Variants in GFRAL observed in about 807,000 individuals in gnomAD.
GFRAL encodes GDNF family receptor alpha like.
Under a neutral mutation model 45.4 loss-of-function variants are expected in GFRAL, and 36 were observed. The ratio of observed to expected loss-of-function variants is 0.79; its 90% CI spans 0.61 to 1.05. The LOEUF (loss-of-function observed/expected upper bound fraction) is 1.05, where lower values mean the gene tolerates loss of function less well. GFRAL is among the 50% of genes least tolerant of loss of function. The probability of loss-of-function intolerance (pLI) is 0.00; values close to 1 mark genes in which losing one functional copy is unlikely to be tolerated. For synonymous variants in GFRAL, 166 were observed against 154.1 expected (o/e 1.08, Z -0.57); for missense variants, 507 against 467.5 (o/e 1.08, Z -0.78).
At position 55,327,488 on chromosome 6, in the gene GFRAL, T is replaced by A. The variant is rs1364477935; in HGVS notation, c.-67T>A. On this transcript the variant is annotated 5_prime_UTR_variant, in exon 1 of 9. Transcript: ENST00000340465. Reference sequence around the variant, plus strand: ...GAAGCCTTATTCTGGACAGTTACTCTTAAGAAAGTTGTCAGAAGAAACGCA... The same window carrying A: ...GAAGCCTTATTCTGGACAGTTACTCATAAGAAAGTTGTCAGAAGAAACGCA... 6.4e-7 allele frequency: 1 copy of A among 1,571,942 alleles called. No individual in the cohort carries two copies. Among genetic ancestry groups the A allele is most frequent in the Non-Finnish European group, 8.7e-7 (1 of 1,143,868 alleles).
intron 3 of GFRAL, among the ~76,000 whole-genome samples, chr6:55,336,238 C>G (rs936406008): frequency 6.6e-6 from 1 of 152,296 alleles, no homozygotes; most frequent in East Asian, 1.9e-4. Context: ...GCCACCGGGC[C>G]GGGCCACTTC....
chr6:55,366,899 G>GA lies in GFRAL; in HGVS notation c.952+7768dup, dbSNP rs1200699613. 3.3e-5 allele frequency among the ~76,000 whole-genome samples: 3 copies of GA among 90,416 alleles called. No homozygotes were observed. The Admixed American group carries it at 3.5e-4, about 11-fold the overall frequency. 59.3% of individuals were successfully genotyped at this position (90,416 alleles called of 152,430 possible). On this transcript the variant is annotated intron_variant, in intron 6 of 8. Transcript: ENST00000340465. ...TTTGGAATAGGTGTGGTGTGGTGCT[G>GA]AAAAAAATGTATATTCTGTTGATTT... is the stretch of plus-strand genomic sequence containing the variant.
At chr6:55,398,785 T>G (rs999846211) in intron 6 of GFRAL, among the ~76,000 whole-genome samples, 1 of 152,222 alleles carries the variant, frequency 6.6e-6, no homozygotes, top group Admixed American at 6.5e-5. Flanking sequence ...AAAGCAAAAC[T>G]AGGTATTCCA....
At chr6:55,389,602 G>A (rs113855686) in intron 6 of GFRAL, among the ~76,000 whole-genome samples, 9 of 152,198 alleles carry the variant, frequency 5.9e-5, no homozygotes, top group African/African-American at 2.2e-4. Flanking sequence ...GAAAACTGGA[G>A]CATCAATGAG....
At chr6:55,389,594 A>G (rs1768722339) in intron 6 of GFRAL, among the ~76,000 whole-genome samples, 3 of 152,208 alleles carry the variant, frequency 2.0e-5, no homozygotes, top group Admixed American at 1.3e-4. Context: ...CTAGGATAGA[A>G]AACTGGAGCA....
At chr6:55,334,592 C>A (rs1767868768) in intron 3 of GFRAL, among the ~76,000 whole-genome samples, 1 of 152,178 alleles carries the variant, frequency 6.6e-6, no homozygotes, top group Non-Finnish European at 1.5e-5. Flanking sequence ...GAGGAATGCA[C>A]CTGTTATCAC....
At chr6:55,369,052 C>T (rs1204074985) in intron 6 of GFRAL, among the ~76,000 whole-genome samples, 1 of 151,310 alleles carries the variant, frequency 6.6e-6, no homozygotes, top group Non-Finnish European at 1.5e-5. Context: ...TGGCTGCTGC[C>T]TTGCAGTTTG....
intron 6 of GFRAL, 74 bp downstream of exon 6, chr6:55,359,212 T>A (rs894922854): frequency 5.8e-6 from 7 of 1,200,008 alleles, no homozygotes; most frequent in South Asian, 1.6e-5. Context: ...TATTTTGTTT[T>A]TGCCTATACA....
At chr6:55,332,845 A>G (rs1767847953) in intron 2 of GFRAL, among the ~76,000 whole-genome samples, 1 of 152,082 alleles carries the variant, frequency 6.6e-6, no homozygotes, top group African/African-American at 2.4e-5. Context: ...ATAAACTACA[A>G]ATAGAATAAA....
At chr6:55,400,547 A>T (rs1296276780) in intron 8 of GFRAL, among the ~76,000 whole-genome samples, 3 of 152,144 alleles carry the variant, frequency 2.0e-5, no homozygotes, top group Non-Finnish European at 2.9e-5. Flanking sequence ...TAATTTATTT[A>T]TTTTTAAATG....
intron 3 of GFRAL, among the ~76,000 whole-genome samples, chr6:55,346,947 T>C (rs1452834430): frequency 6.6e-6 from 1 of 151,652 alleles, no homozygotes; most frequent in Non-Finnish European, 1.5e-5. Flanking sequence ...TGGTAATTAA[T>C]TTTTTAATTT....
chr6:55,375,480 T>C (rs1768511467), intron 6 of GFRAL, among the ~76,000 whole-genome samples: 1 of 152,174 alleles, frequency 6.6e-6, no homozygotes, highest in Non-Finnish European at 1.5e-5. Flanking sequence ...TTTTGTATCC[T>C]GAGACTTTGC....
At chr6:55,393,137 C>A (rs1032772) in intron 6 of GFRAL, among the ~76,000 whole-genome samples, 33,827 of 140,234 alleles carry the variant, frequency 0.24, 5,062 homozygotes, top group African/African-American at 0.44. Flanking sequence ...TGCCTGCACA[C>A]ATTTTATAAA....
chr6:55,368,232 A>T (rs1217741274), intron 6 of GFRAL, among the ~76,000 whole-genome samples: 1 of 151,934 alleles, frequency 6.6e-6, no homozygotes, highest in Non-Finnish European at 1.5e-5. Context: ...AGTTGATCGC[A>T]TCAGCTCCTG....
chr6:55,370,708 G>A (rs773366259), intron 6 of GFRAL, among the ~76,000 whole-genome samples: 6 of 152,160 alleles, frequency 3.9e-5, no homozygotes, highest in Non-Finnish European at 7.4e-5. Context: ...ATGGCAGGAC[G>A]TGACAGTAGG....
intron 5 of GFRAL, among the ~76,000 whole-genome samples, chr6:55,358,332 T>C (rs1768223133): frequency 6.6e-6 from 1 of 151,970 alleles, no homozygotes; most frequent in Non-Finnish European, 1.5e-5. Context: ...TTAGTGTACA[T>C]TATCCAGACT....
At chr6:55,399,049 T>G in intron 6 of GFRAL, 131 bp from the exon 7 acceptor site, 1 of 515,410 alleles carries the variant, frequency 1.9e-6, no homozygotes, top group Non-Finnish European at 3.4e-6. Flanking sequence ...CCTAGTTTTA[T>G]TCAAATCTAT....
Position 55,359,286 on chromosome 6 carries a change from T to C in GFRAL, c.952+148T>C. Reference sequence around the variant, plus strand: ...GTATTGCATTTGAAAATTTGCTTTCTGATTATGTTCTGTGTATTTGCTATT... The same window carrying C: ...GTATTGCATTTGAAAATTTGCTTTCCGATTATGTTCTGTGTATTTGCTATT... On this transcript the variant is annotated intron_variant, in intron 6 of 8. Transcript: ENST00000340465. 4.7e-6 allele frequency: 3 copies of C among 633,832 alleles called. No individual in the cohort carries two copies. The South Asian group carries it at 6.8e-5, about 14-fold the overall frequency. 39.3% of individuals were successfully genotyped at this position (633,832 alleles called of 1,614,324 possible).
chr6:55,347,398 T>C (rs1042195066), intron 3 of GFRAL, among the ~76,000 whole-genome samples: 2 of 152,110 alleles, frequency 1.3e-5, no homozygotes, highest in African/African-American at 4.8e-5. Context: ...TAAGGAATTC[T>C]GAATTAAGGG....
Sources: gnomAD v4.1 joint callset for allele counts (sites outside exome capture counted in the v4.1 genomes callset) on GRCh38, gnomAD v4.1.1 for gene constraint, MANE v1.5 for transcripts, NCBI Gene and HGNC (gene_info 2026-07-23, HGNC 2026-07-21) for gene names.